SH3BP4: variants seen among roughly 807,000 people sequenced by gnomAD.
SH3BP4 encodes the protein SH3 domain-binding protein 4.
A neutral mutation model predicts 65.5 loss-of-function variants in SH3BP4; 33 were observed. That is an observed-to-expected ratio of 0.50 (90% CI 0.38 to 0.67). The LOEUF (loss-of-function observed/expected upper bound fraction) is 0.67, where lower values mean the gene tolerates loss of function less well. SH3BP4 is among the 30% of genes least tolerant of loss of function. The pLI, the probability that SH3BP4 is intolerant of heterozygous loss-of-function variation, is 0.00. For missense variants in SH3BP4, 1,134 were observed against 1,261.4 expected, an observed-to-expected ratio of 0.90 and a Z score of 1.53; for synonymous variants, 552 against 545.5, an observed-to-expected ratio of 1.01 and a Z score of -0.17.
rs1692493410 is a variant in SH3BP4 at position 234,952,453 on chromosome 2, C to A, written c.-207+283C>A. Reference sequence around the variant, plus strand: ...GGGTTCCGGGCGCCGAGCCGCAGCCCTCCGCGTGCGCTCGGGCCGCCCCCC... The same window carrying A: ...GGGTTCCGGGCGCCGAGCCGCAGCCATCCGCGTGCGCTCGGGCCGCCCCCC... On this transcript the variant is annotated intron_variant, in intron 1 of 5. Transcript: ENST00000392011. The surrounding 1 kb of genome is among the most constrained non-coding windows in gnomAD (Gnocchi z 6.5). 6.6e-6 allele frequency among the ~76,000 whole-genome samples: 1 copy of A among 151,290 alleles called. No individual in the cohort carries two copies. Among genetic ancestry groups the A allele is most frequent in the African/African-American group, 2.4e-5 (1 of 41,340 alleles).
rs369951666 is a variant in SH3BP4, at chr2:234,961,109, C to T, written c.-207+8939C>T. On this transcript the variant is annotated intron_variant, in intron 1 of 5. Transcript: ENST00000392011. ...TTGGCTTCTCTTCCTGTTATGACCT[C>T]GGTCACATTTTTGGACATCTTTGAG... Among the ~76,000 whole-genome samples the T allele has an allele frequency of 2.1e-4, 32 of 152,298 alleles. No homozygotes were observed. The East Asian group carries it at 4.8e-3, about 23-fold the overall frequency.
intron 1 of SH3BP4, among the ~76,000 whole-genome samples, chr2:234,957,452 G>A (rs767553821): frequency 4.0e-5 from 6 of 151,462 alleles, no homozygotes; most frequent in Non-Finnish European, 7.4e-5. Context: ...TTCCCCTTCC[G>A]TCACCCCCAT....
At chr2:235,008,731 T>G (rs1246768830) in intron 2 of SH3BP4, 1 of 152,208 alleles carries the variant, frequency 6.6e-6, no homozygotes, top group African/African-American at 2.4e-5. Context: ...GAACTCATTC[T>G]CCCGCTAGGA....
At chr2:234,961,895 T>C (rs1042807087) in intron 1 of SH3BP4, among the ~76,000 whole-genome samples, 1 of 48,180 alleles carries the variant, frequency 2.1e-5, no homozygotes, top group African/African-American at 8.2e-5. Flanking sequence ...GGGGTGGGGG[T>C]GAGGAGGGGG....
chr2:234,968,716 C>T (rs763527302), intron 1 of SH3BP4, among the ~76,000 whole-genome samples: 1 of 150,820 alleles, frequency 6.6e-6, no homozygotes, highest in African/African-American at 2.4e-5. Context: ...GCCCCTTCCC[C>T]GATCCACACT....
chr2:235,002,702 C>G (rs931393121), intron 2 of SH3BP4, among the ~76,000 whole-genome samples: 5 of 152,188 alleles, frequency 3.3e-5, no homozygotes, highest in Admixed American at 1.3e-4. Flanking sequence ...CTGCAGCCTG[C>G]ATGACAGAGC....
intron 2 of SH3BP4, among the ~76,000 whole-genome samples, chr2:235,002,103 C>T (rs370826787): frequency 9.2e-5 from 14 of 152,256 alleles, no homozygotes; most frequent in African/African-American, 2.2e-4. Context: ...TCAGGCGACC[C>T]GCCCGCCTCG....
chr2:235,035,660 C>T lies in SH3BP4; in HGVS notation c.118+540C>T, dbSNP rs1440079896. ...AGACAACTTTTTTTTTGCAGACAGC[C>T]CCATTTGGCCCCAGGGCCGTGCTTT... is the stretch of plus-strand genomic sequence containing the variant. On this transcript the variant is annotated intron_variant, in intron 3 of 5. Coordinates refer to ENST00000392011, the MANE Select transcript of SH3BP4 (RefSeq NM_014521.3). This position sits in a 1 kb window ranked among gnomAD's most constrained non-coding sequence, Gnocchi z 5.0. 6.6e-6 allele frequency among the ~76,000 whole-genome samples: 1 copy of T among 152,104 alleles called. No homozygotes were observed. Among genetic ancestry groups the T allele is most frequent in the African/African-American group, 2.4e-5 (1 of 41,414 alleles).
intron 1 of SH3BP4, among the ~76,000 whole-genome samples, chr2:234,960,250 GT>G (rs1692675996): frequency 1.3e-5 from 2 of 152,292 alleles, no homozygotes; most frequent in South Asian, 4.1e-4. Context: ...TCTTCCTGCT[GT>G]GGTCTGGTCT....
intron 2 of SH3BP4, among the ~76,000 whole-genome samples, chr2:235,028,828 C>A (rs893765665): frequency 6.6e-5 from 10 of 152,114 alleles, no homozygotes; most frequent in African/African-American, 2.2e-4. Flanking sequence ...GGGCTGAGAG[C>A]ACTGCATGTG....
At position 235,052,518 on chromosome 2, in the gene SH3BP4, C is replaced by T. The variant is rs1382322164; in HGVS notation, c.2479-44C>T. 6.9e-7 allele frequency: 1 copy of T among 1,458,802 alleles called. No individual in the cohort carries two copies. Among genetic ancestry groups the T allele is most frequent in the Non-Finnish European group, 9.2e-7 (1 of 1,089,312 alleles). 90.4% of individuals were successfully genotyped at this position (1,458,802 alleles called of 1,614,324 possible). A position where few individuals can be genotyped will look rare whatever the true frequency, so the allele number is the denominator to read the frequency against. On this transcript the variant is annotated intron_variant, in intron 4 of 5. Transcript: ENST00000392011. This position sits in a 1 kb window ranked among gnomAD's most constrained non-coding sequence, Gnocchi z 5.0. ...AATTCTGCGGGGAGCAGAGCCTGCCCCACTCCCTACACTGTCTCACGCTGT... is the reference window on the plus strand; with the variant it reads ...AATTCTGCGGGGAGCAGAGCCTGCCTCACTCCCTACACTGTCTCACGCTGT...
In SH3BP4 at chr2:235,042,412, A is replaced by C. The variant is rs1199617300; in HGVS notation, c.1643A>C (p.Tyr548Ser). ...TGTATGTTTTCCAATATGACGAATTACGAGGTCAAAGCCAGCGAGCAGGCC... is the reference window on the plus strand; with the variant it reads ...TGTATGTTTTCCAATATGACGAATTCCGAGGTCAAAGCCAGCGAGCAGGCC... ...KVCMFSNMTN[Y>S]EVKASEQAKV... The change falls in exon 4 of 6, where the codon TAC becomes TCC. Residue 548 changes from tyrosine (Y) to serine (S), a missense_variant. Coordinates refer to ENST00000392011, the MANE Select transcript of SH3BP4 (RefSeq NM_014521.3). The surrounding 1 kb of genome is among the most constrained non-coding windows in gnomAD (Gnocchi z 7.3). The C allele has an allele frequency of 6.2e-7, 1 of 1,614,056 alleles. No individual in the cohort carries two copies. The highest frequency in any genetic ancestry group is 1.7e-5 in the Admixed American group (1 of 60,010).
chr2:235,031,058 A>G (rs1474552761), intron 2 of SH3BP4, among the ~76,000 whole-genome samples: 1 of 152,070 alleles, frequency 6.6e-6, no homozygotes, highest in African/African-American at 2.4e-5. Context: ...GGACCACAGG[A>G]CACACGTCTC....
intron 1 of SH3BP4, among the ~76,000 whole-genome samples, chr2:234,987,867 T>G (rs1693617404): frequency 6.6e-6 from 1 of 152,160 alleles, no homozygotes; most frequent in African/African-American, 2.4e-5. Flanking sequence ...GTCTTTCTGT[T>G]GGGTGCAGGT....
intron 1 of SH3BP4, chr2:234,994,807 G>A (rs1257944455): frequency 6.6e-6 from 1 of 152,308 alleles, no homozygotes; most frequent in Admixed American, 6.5e-5. Flanking sequence ...GTGATGCAGA[G>A]GCCACTGGGC....
Position 234,976,628 on chromosome 2 carries a change from GCTGGGCAGGTGACCAAGGTCAC to G in SH3BP4, c.-206-18673_-206-18652del, listed in dbSNP as rs1054374914. Reference sequence around the variant, plus strand: ...GGGCCTGCGGAAGGGGTTAAGAGGGGCTGGGCAGGTGACCAAGGTCACCATGGCAGGGATAAGTCACGCTGAT... The same window carrying G: ...GGGCCTGCGGAAGGGGTTAAGAGGGGCATGGCAGGGATAAGTCACGCTGAT... On this transcript the variant is annotated intron_variant, in intron 1 of 5. Transcript: ENST00000392011. This position sits in a 1 kb window ranked among gnomAD's most constrained non-coding sequence, Gnocchi z 4.7. Among the ~76,000 whole-genome samples the G allele has an allele frequency of 6.6e-6, 1 of 152,164 alleles. No homozygotes were observed. The highest frequency in any genetic ancestry group is 1.5e-5 in the Non-Finnish European group (1 of 68,030).
chr2:235,020,819 C>A (rs1694827179), intron 2 of SH3BP4, among the ~76,000 whole-genome samples: 1 of 152,090 alleles, frequency 6.6e-6, no homozygotes, highest in Non-Finnish European at 1.5e-5. Flanking sequence ...GCTAAGGAGT[C>A]CTTTCAAGGG....
intron 4 of SH3BP4, among the ~76,000 whole-genome samples, chr2:235,050,443 CA>C (rs894920118): frequency 5.9e-5 from 9 of 152,154 alleles, no homozygotes; most frequent in African/African-American, 1.7e-4. Context: ...GTAGCTTCTA[CA>C]AAAACAAACG....
rs2106270210 is a variant in SH3BP4 at position 234,991,854 on chromosome 2, G to A, written c.-206-3449G>A. On this transcript the variant is annotated intron_variant, in intron 1 of 5. Coordinates refer to ENST00000392011, the MANE Select transcript of SH3BP4 (RefSeq NM_014521.3). This position sits in a 1 kb window ranked among gnomAD's most constrained non-coding sequence, Gnocchi z 4.2. ...CCTCCACTCCAGCACTGAGGGGCTA[G>A]TGGTGCCACATGTGCACCTGTCCCT... is the stretch of plus-strand genomic sequence containing the variant. 6.6e-6 allele frequency among the ~76,000 whole-genome samples: 1 copy of A among 152,346 alleles called. No homozygotes were observed.
Sources: gnomAD v4.1 joint callset for allele counts (sites outside exome capture counted in the v4.1 genomes callset) on GRCh38, gnomAD v4.1.1 for gene constraint, Gnocchi (gnomAD v3.1) non-coding constraint, MANE v1.5 for transcripts, NCBI Gene and HGNC (gene_info 2026-07-23, HGNC 2026-07-21) for gene names.